TRIM66: variants seen among roughly 807,000 people sequenced by gnomAD.
TRIM66 encodes tripartite motif-containing protein 66.
In TRIM66, 99 loss-of-function variants were observed where a neutral mutation model predicts 148.2. The ratio of observed to expected loss-of-function variants is 0.67; its 90% CI spans 0.57 to 0.79. The LOEUF is 0.79. Ranked by LOEUF, TRIM66 falls within the 30% of genes least tolerant of loss-of-function variation. The pLI, the probability that TRIM66 is intolerant of heterozygous loss-of-function variation, is 0.00. For synonymous variants in TRIM66, 616 were observed against 635.9 expected (o/e 0.97, Z 0.47); for missense variants, 1,666 against 1,697.9 (o/e 0.98, Z 0.33).
chr11:8,626,864 T>G (rs535999012), intron 15 of TRIM66, among the ~76,000 whole-genome samples: 1 of 152,250 alleles, frequency 6.6e-6, no homozygotes, highest in East Asian at 1.9e-4. Flanking sequence ...TAGTCACTCA[T>G]TTTTTCCAGT....
chr11:8,633,071 C>T (rs1018777480), intron 15 of TRIM66, among the ~76,000 whole-genome samples: 1 of 152,138 alleles, frequency 6.6e-6, no homozygotes, highest in Non-Finnish European at 1.5e-5. Context: ...TGAGTGGAAC[C>T]CTCAAACCCC....
intron 15 of TRIM66, among the ~76,000 whole-genome samples, chr11:8,631,013 G>T (rs1261533378): frequency 1.1e-4 from 17 of 152,140 alleles, no homozygotes; most frequent in Non-Finnish European, 2.4e-4. Flanking sequence ...AGAGTTCAGT[G>T]TGTTGACATT....
intron 15 of TRIM66, among the ~76,000 whole-genome samples, chr11:8,634,303 C>T (rs566897819): frequency 2.6e-5 from 4 of 152,272 alleles, no homozygotes; most frequent in Non-Finnish European, 5.9e-5. Flanking sequence ...GTAGCTGGGA[C>T]CACAGGCATG....
At chr11:8,640,126 A>C in intron 14 of TRIM66, 101 bp downstream of exon 14, 1 of 1,219,872 alleles carries the variant, frequency 8.2e-7, no homozygotes, top group Non-Finnish European at 1.1e-6. Context: ...CCTAAGGTGC[A>C]GAAACTGTAT....
At chr11:8,683,032 C>A, upstream of TRIM66, 2 of 847,482 alleles carry the variant, frequency 2.4e-6, no homozygotes, top group East Asian at 2.6e-5. Context: ...CGGGCCCCTG[C>A]GCTACCGTGG....
At position 8,621,717 on chromosome 11, in the gene TRIM66, C is replaced by G; in HGVS notation, c.3183G>C (p.Gln1061His). 1.3e-6 allele frequency: 2 copies of G among 1,551,776 alleles called. No homozygotes were observed. The highest frequency in any genetic ancestry group is 8.7e-7 in the Non-Finnish European group (1 of 1,147,016). ...GEMPVFKLKP[Q>H]KNDQDGSFLL... The stretch of plus-strand genomic sequence containing the variant: ...GGAAGCTCCCATCCTGATCATTCTT[C>G]TGTGGCTTCAGTTTGAACACAGGCA... Residue 1061 changes from glutamine (Q) to histidine (H), a missense_variant, in exon 19 of 25, where the codon CAG becomes CAC. Gln to His is a conservative substitution (Grantham distance 24). This residue lies in a region of TRIM66 where 1,431 missense variants were observed against 1,412.4 expected (regional missense o/e 1.01). Transcript: ENST00000646038.
At position 8,615,351 on chromosome 11, in the gene TRIM66, G is replaced by A. The variant is rs563083081; in HGVS notation, c.*2593C>T. 1 of 152,204 alleles carries A rather than the reference G, an allele frequency of 6.6e-6. No individual in the cohort carries two copies. The highest frequency in any genetic ancestry group is 6.5e-5 in the Admixed American group (1 of 15,296). 9.4% of individuals were successfully genotyped at this position (152,204 alleles called of 1,614,324 possible). The stretch of plus-strand genomic sequence containing the variant: ...CCAAGAAGTCAATTTTTCCTCTAGG[G>A]CTGCATGCTGTCCCATAAGAATCTA... On this transcript the variant is annotated 3_prime_UTR_variant, in exon 25 of 25. Coordinates refer to ENST00000646038, the MANE Select transcript of TRIM66 (RefSeq NM_001388022.1).
rs1195253086 is a variant in TRIM66 at position 8,618,777 on chromosome 11, G to T, written c.4092C>A (p.Ile1364=). Residue 1364 remains isoleucine (I), a synonymous_variant, in exon 24 of 25, where the codon ATC becomes ATA. Coordinates refer to ENST00000646038, the MANE Select transcript of TRIM66 (RefSeq NM_001388022.1). ...FPWPPYMQEG[I]QPKRRRRHME... ...TATGTCGTCGCCGCCTCTTGGGTTG[G>T]ATGCCCTCCTGCATGTAGGGAGGCC... is the stretch of plus-strand genomic sequence containing the variant. The T allele has an allele frequency of 6.4e-7, 1 of 1,550,844 alleles. No homozygotes were observed. The highest frequency in any genetic ancestry group is 8.7e-7 in the Non-Finnish European group (1 of 1,146,824).
At chr11:8,638,942 T>G (rs1196229628) in intron 14 of TRIM66, 127 bp from the exon 15 acceptor site, 1 of 1,000,836 alleles carries the variant, frequency 1.0e-6, no homozygotes, top group African/African-American at 1.7e-5. Context: ...GTGGACTGCT[T>G]AAACGTTTTC....
At chr11:8,672,124 G>C in intron 5 of TRIM66, 26 bp from the exon 6 acceptor site, 1 of 1,529,110 alleles carries the variant, frequency 6.5e-7, no homozygotes, top group Non-Finnish European at 8.7e-7. Context: ...AAAGCAGAGT[G>C]ATCTACTTAT....
chr11:8,647,822 C>G, intron 10 of TRIM66, 148 bp downstream of exon 10: 1 of 682,754 alleles, frequency 1.5e-6, no homozygotes. Flanking sequence ...CCTCAAAGGC[C>G]AAGACATATG....
chr11:8,662,720 A>G (rs2038343527), intron 6 of TRIM66, among the ~76,000 whole-genome samples: 1 of 152,238 alleles, frequency 6.6e-6, no homozygotes, highest in Non-Finnish European at 1.5e-5. Flanking sequence ...TCTTCCAGCC[A>G]TGATTTGTCT....
Position 8,618,985 on chromosome 11 carries a change from G to T in TRIM66, c.3901-17C>A. ...GGAGTCAGGCTGATGGGGGAGGAGA[G>T]CAGTGATGGTCTAGCCTGTTTCTAC... is the stretch of plus-strand genomic sequence containing the variant. On this transcript the variant is annotated splice_polypyrimidine_tract_variant and intron_variant, in intron 23 of 24. Transcript: ENST00000646038. 1 of 1,547,486 alleles carries T rather than the reference G, an allele frequency of 6.5e-7. No individual in the cohort carries two copies. The highest frequency in any genetic ancestry group is 8.7e-7 in the Non-Finnish European group (1 of 1,143,558).
chr11:8,670,572 G>C (rs1335887720), intron 6 of TRIM66, among the ~76,000 whole-genome samples: 1 of 152,040 alleles, frequency 6.6e-6, no homozygotes, highest in Non-Finnish European at 1.5e-5. Flanking sequence ...GATAATTGGA[G>C]TACTTACAAA....
At chr11:8,630,831 C>A (rs2035324048) in intron 15 of TRIM66, among the ~76,000 whole-genome samples, 1 of 152,182 alleles carries the variant, frequency 6.6e-6, no homozygotes, top group Admixed American at 6.5e-5. Flanking sequence ...TCTTTACCAT[C>A]TAACTTGACA....
chr11:8,673,716 T>G (rs555199801), intron 4 of TRIM66, among the ~76,000 whole-genome samples: 83 of 152,360 alleles, frequency 5.4e-4, no homozygotes, highest in African/African-American at 1.8e-3. Context: ...GCTTTGTAGT[T>G]TTTTACAATT....
chr11:8,640,457 T>C lies in TRIM66; in HGVS notation c.1918A>G (p.Ser640Gly). 1 of 1,550,222 alleles carries C rather than the reference T, an allele frequency of 6.5e-7. No homozygotes were observed. The highest frequency in any genetic ancestry group is 8.7e-7 in the Non-Finnish European group (1 of 1,146,600). Reference sequence around the variant, plus strand: ...TGAGAACAGGCAGGGCCAGGAGGGCTCTCGTGCTGACTAGAAGCCAGATGC... The same window carrying C: ...TGAGAACAGGCAGGGCCAGGAGGGCCCTCGTGCTGACTAGAAGCCAGATGC... The part of the protein sequence containing the change: ...SQHLASSQHE[S>G]PPGPACSQNM... The change falls in exon 14 of 25, where the codon AGC becomes GGC. Residue 640 changes from serine to glycine, a missense_variant. Coordinates refer to ENST00000646038, the MANE Select transcript of TRIM66 (RefSeq NM_001388022.1).
Position 8,617,146 on chromosome 11 carries a change from G to A in TRIM66, c.*798C>T, listed in dbSNP as rs2033773039. On this transcript the variant is annotated 3_prime_UTR_variant, in exon 25 of 25. Transcript: ENST00000646038. ...AGGCAGGTTCTCACCCTAAAGAAGT[G>A]TGATTAGCCCAGAGTAAGTAGCACA... The A allele has an allele frequency of 6.6e-6, 1 of 152,280 alleles. No individual in the cohort carries two copies. The allele number at this position is 152,280 out of a possible 1,614,324, so 9.4% of individuals were successfully genotyped here.
intron 8 of TRIM66, 98 bp from the exon 9 acceptor site, chr11:8,648,646 G>A (rs1210100689): frequency 1.4e-6 from 2 of 1,392,222 alleles, no homozygotes; most frequent in African/African-American, 2.9e-5. Flanking sequence ...AGAGGACACT[G>A]CAGAAATACA....
Sources: gnomAD v4.1 joint callset for allele counts (sites outside exome capture counted in the v4.1 genomes callset) on GRCh38, gnomAD v4.1.1 for gene constraint, gnomAD v4.1.1 regional missense constraint, MANE v1.5 for transcripts, NCBI Gene and HGNC (gene_info 2026-07-23, HGNC 2026-07-21) for gene names.